TTC28: variants seen among roughly 807,000 people sequenced by gnomAD.
TTC28 encodes the protein tetratricopeptide repeat protein 28.
Under a neutral mutation model 198.0 loss-of-function variants are expected in TTC28, and 61 were observed. The observed-to-expected ratio is 0.31, with a 90% confidence interval of 0.25 to 0.38. The LOEUF (loss-of-function observed/expected upper bound fraction) is 0.38, where lower values mean the gene tolerates loss of function less well. Ranked by LOEUF, TTC28 falls within the 10% of genes least tolerant of loss-of-function variation. The probability of loss-of-function intolerance (pLI) is 1.00; values close to 1 mark genes in which losing one functional copy is unlikely to be tolerated. For synonymous variants in TTC28, 1,171 were observed against 1,297.8 expected (o/e 0.90, Z 2.10); for missense variants, 2,678 against 3,164.0 (o/e 0.85, Z 3.69).
chr22:28,510,502 A>G (rs1218414216), intron 2 of TTC28, among the ~76,000 whole-genome samples: 2 of 152,200 alleles, frequency 1.3e-5, no homozygotes, highest in African/African-American at 4.8e-5. Context: ...TAAACTAGGT[A>G]TTAAAGGAAC....
At position 28,235,004 on chromosome 22, in the gene TTC28, C is replaced by A. The variant is rs144299415; in HGVS notation, c.933+61194G>T. 1.9e-3 allele frequency among the ~76,000 whole-genome samples: 296 copies of A among 152,212 alleles called. 2 individuals are homozygous for A. The highest frequency in any genetic ancestry group is 6.7e-3 in the African/African-American group (277 of 41,526). ...GGGGACTTTTTGATACGCAGAATTA[C>A]GAGGTTGAGTCATATAATATTAGAA... On this transcript the variant is annotated intron_variant, in intron 5 of 22. Coordinates refer to ENST00000397906, the MANE Select transcript of TTC28 (RefSeq NM_001145418.2).
chr22:28,059,365 G>A (rs1940418855), intron 12 of TTC28, among the ~76,000 whole-genome samples: 1 of 151,932 alleles, frequency 6.6e-6, no homozygotes, highest in South Asian at 2.1e-4. Context: ...TTTTAGTAGT[G>A]TATTTAATTT....
At chr22:28,615,557 C>A (rs1329870966) in intron 2 of TTC28, among the ~76,000 whole-genome samples, 1 of 152,126 alleles carries the variant, frequency 6.6e-6, no homozygotes, top group Non-Finnish European at 1.5e-5. Flanking sequence ...CCCAAATGCC[C>A]ATCAATGATA....
At chr22:28,225,937 G>C (rs1343142789) in intron 5 of TTC28, among the ~76,000 whole-genome samples, 1 of 152,204 alleles carries the variant, frequency 6.6e-6, no homozygotes, top group Non-Finnish European at 1.5e-5. Context: ...ATGATTTTGA[G>C]ATTCAACCAT....
intron 2 of TTC28, among the ~76,000 whole-genome samples, chr22:28,496,325 A>G (rs2048454939): frequency 6.6e-6 from 1 of 152,052 alleles, no homozygotes; most frequent in Non-Finnish European, 1.5e-5. Flanking sequence ...TGTCTAATAA[A>G]TATCTTAAAC....
At chr22:28,143,076 G>A (rs1943379620) in intron 6 of TTC28, among the ~76,000 whole-genome samples, 1 of 152,190 alleles carries the variant, frequency 6.6e-6, no homozygotes, top group East Asian at 1.9e-4. Context: ...CATGTGAACT[G>A]AAGCAGGTCC....
chr22:28,456,480 C>A (rs1459105459), intron 2 of TTC28, among the ~76,000 whole-genome samples: 1 of 152,080 alleles, frequency 6.6e-6, no homozygotes, highest in Non-Finnish European at 1.5e-5. Flanking sequence ...AATTATTATC[C>A]TTCTTCATTC....
chr22:28,472,155 T>C (rs1298711424), intron 2 of TTC28, among the ~76,000 whole-genome samples: 1 of 152,222 alleles, frequency 6.6e-6, no homozygotes, highest in African/African-American at 2.4e-5. Flanking sequence ...TCTATCATTC[T>C]ATTAATTTAC....
At chr22:28,244,267 C>T (rs1358821620) in intron 5 of TTC28, among the ~76,000 whole-genome samples, 12 of 152,066 alleles carry the variant, frequency 7.9e-5, no homozygotes, top group Non-Finnish European at 2.9e-5. Flanking sequence ...AGGGAAAAGG[C>T]AAAGACTAGA....
At chr22:28,454,262 A>G (rs2047826253) in intron 2 of TTC28, among the ~76,000 whole-genome samples, 1 of 152,212 alleles carries the variant, frequency 6.6e-6, no homozygotes, top group African/African-American at 2.4e-5. Context: ...ATAGCTTATA[A>G]GCTCTAAGTA....
At chr22:28,526,171 T>C (rs1290609444) in intron 2 of TTC28, among the ~76,000 whole-genome samples, 3 of 152,222 alleles carry the variant, frequency 2.0e-5, no homozygotes, top group African/African-American at 7.2e-5. Flanking sequence ...AACTTCAATA[T>C]TCTCATCTAT....
At chr22:28,608,251 A>T (rs939424665) in intron 2 of TTC28, among the ~76,000 whole-genome samples, 6 of 152,218 alleles carry the variant, frequency 3.9e-5, no homozygotes, top group African/African-American at 1.4e-4. Context: ...TATGAAAACC[A>T]AAAGCTTAGG....
chr22:28,029,722 G>A (rs868792866), intron 13 of TTC28, among the ~76,000 whole-genome samples: 3 of 152,234 alleles, frequency 2.0e-5, no homozygotes, highest in Non-Finnish European at 4.4e-5. Flanking sequence ...AGGGAACTGA[G>A]GTCTTGGCAC....
chr22:28,001,748 ACTGGCAAGGGCTGGC>A, intron 14 of TTC28, 195 bp from the exon 15 acceptor site: 1 of 627,268 alleles, frequency 1.6e-6, no homozygotes, highest in Admixed American at 2.9e-5. Context: ...TCGCTTGTGG[ACTGGCAAGGGCTGGC>A]CTGGCAGCAT....
chr22:28,420,467 T>C (rs2047232968), intron 2 of TTC28, among the ~76,000 whole-genome samples: 1 of 151,326 alleles, frequency 6.6e-6, no homozygotes, highest in Non-Finnish European at 1.5e-5. Flanking sequence ...AGAGAGACCA[T>C]GTAAGCTTTA....
chr22:28,032,560 A>G (rs1322919390), intron 12 of TTC28, among the ~76,000 whole-genome samples: 2 of 151,920 alleles, frequency 1.3e-5, no homozygotes, highest in African/African-American at 4.8e-5. Flanking sequence ...TGTGCAAAGT[A>G]TTTTTACACA....
intron 16 of TTC28, 134 bp downstream of exon 16, chr22:27,998,406 T>G: frequency 4.4e-6 from 6 of 1,366,480 alleles, no homozygotes; most frequent in Non-Finnish European, 5.8e-6. Flanking sequence ...GCACACAGGC[T>G]CTCTCCCTGA....
intron 2 of TTC28, among the ~76,000 whole-genome samples, chr22:28,396,697 T>C (rs1373491607): frequency 6.6e-6 from 1 of 152,058 alleles, no homozygotes; most frequent in Non-Finnish European, 1.5e-5. Flanking sequence ...TCCCTCCCCA[T>C]CCCAATTAAG....
intron 2 of TTC28, among the ~76,000 whole-genome samples, chr22:28,460,614 GATAGATAGATAGATAGA>G (rs1568958070): frequency 1.8e-4 from 1 of 5,472 alleles, no homozygotes; most frequent in Non-Finnish European, 4.0e-4. Flanking sequence ...ATGGTAGATA[GATAGATAGATAGATAGA>G]TAGATAGATA....
Sources: allele counts gnomAD v4.1 joint callset (sites outside exome capture counted in the v4.1 genomes callset), GRCh38; gene constraint gnomAD v4.1.1; transcripts MANE v1.5; gene names NCBI Gene and HGNC (gene_info 2026-07-23, HGNC 2026-07-21).